Variants in NRXN1 observed in about 807,000 individuals in gnomAD.
NRXN1 encodes neurexin 1.
A neutral mutation model predicts 150.9 loss-of-function variants in NRXN1; 39 were observed. The observed-to-expected ratio is 0.26, with a 90% CI of 0.20 to 0.34. NRXN1 has a LOEUF of 0.34. Ranked by LOEUF, NRXN1 falls within the 10% of genes least tolerant of loss-of-function variation. The pLI is 1.00. For missense variants in NRXN1, 1,815 were observed against 1,949.9 expected (o/e 0.93, Z 1.30); for synonymous variants, 924 against 757.0 (o/e 1.22, Z -3.62).
intron 21 of NRXN1, among the ~76,000 whole-genome samples, chr2:49,989,008 G>C (rs1216027611): frequency 6.6e-6 from 1 of 152,150 alleles, no homozygotes; most frequent in Non-Finnish European, 1.5e-5. Context: ...AGCACAATGT[G>C]GCAGCCAGAC....
intron 17 of NRXN1, among the ~76,000 whole-genome samples, chr2:50,244,864 T>G (rs2152890837): frequency 6.6e-6 from 1 of 152,026 alleles, no homozygotes; most frequent in South Asian, 2.1e-4. Context: ...ATTTTTAAAC[T>G]GCTTTTTAAG....
intron 17 of NRXN1, among the ~76,000 whole-genome samples, chr2:50,336,336 G>C (rs566911687): frequency 2.9e-4 from 44 of 152,270 alleles, no homozygotes; most frequent in Admixed American, 5.2e-4. Flanking sequence ...AAACTCATAA[G>C]AAATGAGTAG....
At chr2:50,033,832 T>C (rs1689561614) in intron 21 of NRXN1, among the ~76,000 whole-genome samples, 1 of 151,848 alleles carries the variant, frequency 6.6e-6, no homozygotes. Flanking sequence ...GAACAGACAA[T>C]TTTCAAAAGC....
intron 8 of NRXN1, among the ~76,000 whole-genome samples, chr2:50,555,486 T>G (rs1349212447): frequency 2.0e-5 from 3 of 152,112 alleles, no homozygotes; most frequent in African/African-American, 7.2e-5. Flanking sequence ...GGGCAAAATT[T>G]CTTAAGGTTA....
chr2:49,918,784 T>C lies in NRXN1; in HGVS notation c.*3160A>G. 1 of 152,258 alleles carries C rather than the reference T, an allele frequency of 6.6e-6. No individual in the cohort carries two copies. The allele number at this position is 152,258 out of a possible 1,614,324, so 9.4% of individuals were successfully genotyped here. A position where few individuals can be genotyped will look rare whatever the true frequency, so the allele number is the denominator to read the frequency against. On this transcript the variant is annotated 3_prime_UTR_variant, in exon 23 of 23. Transcript: ENST00000401669. The stretch of plus-strand genomic sequence containing the variant: ...CTATAATATAAGGATGGGTCTTCCC[T>C]TCAAATGCAGCCTTCTTTACTTTCC...
intron 5 of NRXN1, chr2:50,918,844 A>G: frequency 4.3e-6 from 1 of 232,288 alleles, no homozygotes. Context: ...TCAAGCCCCA[A>G]AAAAATGTGA....
intron 5 of NRXN1, among the ~76,000 whole-genome samples, chr2:50,639,009 G>T (rs984941002): frequency 1.3e-5 from 2 of 151,752 alleles, no homozygotes; most frequent in Non-Finnish European, 2.9e-5. Context: ...TCCACCAATG[G>T]TTCACCATCC....
intron 18 of NRXN1, among the ~76,000 whole-genome samples, chr2:50,150,297 A>C (rs2058620920): frequency 6.6e-6 from 1 of 151,818 alleles, no homozygotes; most frequent in South Asian, 2.1e-4. Flanking sequence ...AATTCCTATT[A>C]AGGAGGTTTT....
At chr2:51,013,091 G>T (rs1290857110) in intron 2 of NRXN1, among the ~76,000 whole-genome samples, 1 of 152,040 alleles carries the variant, frequency 6.6e-6, no homozygotes, top group Non-Finnish European at 1.5e-5. Flanking sequence ...CCTGGTGGAG[G>T]TAGAGTCAGT....
chr2:50,332,507 T>C (rs1479076705), intron 17 of NRXN1, among the ~76,000 whole-genome samples: 1 of 152,216 alleles, frequency 6.6e-6, no homozygotes, highest in African/African-American at 2.4e-5. Context: ...CTTCACCTAG[T>C]TGGAGAGATC....
chr2:50,972,255 TAA>T (rs377666329), intron 2 of NRXN1, among the ~76,000 whole-genome samples: 1 of 152,130 alleles, frequency 6.6e-6, no homozygotes, highest in East Asian at 1.9e-4. Flanking sequence ...TGCTAAATAA[TAA>T]AGAGGCCATG....
intron 17 of NRXN1, among the ~76,000 whole-genome samples, chr2:50,291,312 C>T (rs1306946365): frequency 6.6e-6 from 1 of 152,090 alleles, no homozygotes; most frequent in Non-Finnish European, 1.5e-5. Context: ...ATGAAATACG[C>T]ATAACTATTT....
At chr2:50,280,275 C>T (rs1300431152) in intron 17 of NRXN1, among the ~76,000 whole-genome samples, 1 of 55,698 alleles carries the variant, frequency 1.8e-5, no homozygotes, top group Middle Eastern at 0.011. Context: ...AAGAATCAGT[C>T]TCAAAAAAAA....
At chr2:50,086,997 T>C (rs1698883003) in intron 19 of NRXN1, among the ~76,000 whole-genome samples, 1 of 152,174 alleles carries the variant, frequency 6.6e-6, no homozygotes, top group Non-Finnish European at 1.5e-5. Flanking sequence ...GTTTCCTAAA[T>C]AGTTTGTCTG....
chr2:49,977,505 T>G (rs543942422), intron 21 of NRXN1, among the ~76,000 whole-genome samples: 41 of 152,302 alleles, frequency 2.7e-4, no homozygotes, highest in African/African-American at 8.9e-4. Flanking sequence ...TCCGAAAGAT[T>G]AAATAAATAT....
In NRXN1 at chr2:50,379,581, G is replaced by T. The variant is rs114441731; in HGVS notation, c.3364+85861C>A. On this transcript the variant is annotated intron_variant, in intron 17 of 22. Coordinates refer to ENST00000401669, the MANE Select transcript of NRXN1 (RefSeq NM_001330078.2). The stretch of plus-strand genomic sequence containing the variant: ...GAGAGAATAAGAGGTCTAATGTCTT[G>T]TTTATGTCCCCTTTATAGCATCTTT... 9.2e-3 allele frequency among the ~76,000 whole-genome samples: 1,405 copies of T among 152,164 alleles called. 17 individuals carry two copies. Among genetic ancestry groups the T allele is most frequent in the African/African-American group, 0.032 (1,333 of 41,534 alleles).
chr2:50,546,805 G>C (rs565616330), intron 9 of NRXN1, among the ~76,000 whole-genome samples: 1 of 152,094 alleles, frequency 6.6e-6, no homozygotes, highest in Non-Finnish European at 1.5e-5. Flanking sequence ...ATGAATAGTG[G>C]TTTATGGGTG....
intron 10 of NRXN1, among the ~76,000 whole-genome samples, chr2:50,533,842 G>C (rs1009732137): frequency 2.6e-5 from 4 of 152,082 alleles, no homozygotes; most frequent in Non-Finnish European, 5.9e-5. Flanking sequence ...GGTTCTTTCA[G>C]CATTTAGGTC....
intron 5 of NRXN1, among the ~76,000 whole-genome samples, chr2:50,636,283 T>A (rs1347797452): frequency 1.3e-5 from 2 of 152,170 alleles, no homozygotes; most frequent in Non-Finnish European, 2.9e-5. Flanking sequence ...GGGAAACGCA[T>A]CAGGCTAAGA....
Sources: allele counts gnomAD v4.1 joint callset (sites outside exome capture counted in the v4.1 genomes callset), GRCh38; gene constraint gnomAD v4.1.1; transcripts MANE v1.5; gene names NCBI Gene and HGNC (gene_info 2026-07-23, HGNC 2026-07-21).